The following SMARCAD1 variants were observed in gnomAD, a reference collection of about 807,000 sequenced individuals.
SMARCAD1 encodes SNF2 related chromatin remodeling ATPase with DExD box 1.
A neutral mutation model predicts 127.1 loss-of-function variants in SMARCAD1; 25 were observed. The observed-to-expected ratio is 0.20, with a 90% CI of 0.14 to 0.27. The LOEUF (loss-of-function observed/expected upper bound fraction) is 0.27. Among genes scored for constraint, SMARCAD1 ranks in the 10% least tolerant of loss-of-function variants. The pLI, the probability that SMARCAD1 is intolerant of heterozygous loss-of-function variation, is 1.00. For synonymous variants in SMARCAD1, 400 were observed against 396.9 expected (o/e 1.01, Z -0.09); for missense variants, 807 against 1,206.0 (o/e 0.67, Z 4.90).
At chr4:94,226,384 T>A in intron 3 of SMARCAD1, 88 bp downstream of exon 3, 3 of 1,027,600 alleles carry the variant, frequency 2.9e-6, no homozygotes, top group Non-Finnish European at 4.2e-6. Flanking sequence ...TTTTGGTGAC[T>A]TCCCTTTTTT....
Position 94,208,002 on chromosome 4 carries a change from C to T in SMARCAD1, c.-118C>T, listed in dbSNP as rs1302597685. 2.5e-6 allele frequency: 1 copy of T among 397,954 alleles called. No individual in the cohort carries two copies. Among genetic ancestry groups the T allele is most frequent in the Non-Finnish European group, 4.9e-6 (1 of 202,156 alleles). The allele number at this position is 397,954 out of a possible 1,614,324, so 24.7% of individuals were successfully genotyped here. On this transcript the variant is annotated 5_prime_UTR_variant, in exon 1 of 24. Coordinates refer to ENST00000354268, the MANE Select transcript of SMARCAD1 (RefSeq NM_020159.5). Reference sequence around the variant, plus strand: ...GCAGGGGGCACGGTAGCACAGGGAGCTTCTCTTTGTGGGCGGGCGCGAGGC... The same window carrying T: ...GCAGGGGGCACGGTAGCACAGGGAGTTTCTCTTTGTGGGCGGGCGCGAGGC...
chr4:94,226,039 T>G, intron 2 of SMARCAD1, 80 bp from the exon 3 acceptor site: 2 of 1,179,702 alleles, frequency 1.7e-6, no homozygotes, highest in Non-Finnish European at 2.4e-6. Context: ...AAATTTGAGA[T>G]TTTAGCACAT....
intron 3 of SMARCAD1, among the ~76,000 whole-genome samples, chr4:94,230,955 A>G (rs1454371534): frequency 6.6e-6 from 1 of 152,228 alleles, no homozygotes; most frequent in East Asian, 1.9e-4. Flanking sequence ...ATGTTTGTCA[A>G]CAATGTACAG....
chr4:94,208,586 T>C lies in SMARCAD1; in HGVS notation c.190+2T>C. ...ATTCAGATATAACTGAAAAAACAGG[T>C]GAGTTACAATGTTAAAATTGATGTA... On this transcript the variant is annotated splice_donor_variant, in intron 2 of 23. Transcript: ENST00000354268. LOFTEE classifies it high-confidence loss of function. The C allele has an allele frequency of 6.2e-7, 1 of 1,613,208 alleles. No homozygotes were observed. Among genetic ancestry groups the C allele is most frequent in the Non-Finnish European group, 8.5e-7 (1 of 1,179,240 alleles).
In SMARCAD1 at chr4:94,280,797, G is replaced by A. The variant is rs79865741; in HGVS notation, c.2607+17G>A. ...AAACAGAAGGTATTAAAAAAGAATG[G>A]CGTTTCTTTTGTATTTTCTCAATTA... is the stretch of plus-strand genomic sequence containing the variant. On this transcript the variant is annotated intron_variant, in intron 20 of 23. Transcript: ENST00000354268. 221 of 1,611,834 alleles carry A rather than the reference G, an allele frequency of 1.4e-4. 1 individual carries two copies. The African/African-American group carries it at 2.5e-3, about 18-fold the overall frequency.
At chr4:94,211,070 C>G (rs1040335642) in intron 2 of SMARCAD1, among the ~76,000 whole-genome samples, 117 of 151,784 alleles carry the variant, frequency 7.7e-4, no homozygotes, top group African/African-American at 2.7e-3. Context: ...GTTGGAAGTT[C>G]AAGACCAGCC....
chr4:94,223,406 T>C (rs1383706773), intron 2 of SMARCAD1, among the ~76,000 whole-genome samples: 1 of 151,810 alleles, frequency 6.6e-6, no homozygotes, highest in Non-Finnish European at 1.5e-5. Flanking sequence ...GGCAGAAGAA[T>C]CACTGGAGCC....
intron 5 of SMARCAD1, among the ~76,000 whole-genome samples, chr4:94,239,156 G>A (rs1747174214): frequency 6.6e-6 from 1 of 152,162 alleles, no homozygotes; most frequent in Admixed American, 6.5e-5. Flanking sequence ...TTCATTTTTA[G>A]TGTAGTGCAC....
chr4:94,276,589 T>C, intron 15 of SMARCAD1, 115 bp downstream of exon 15: 2 of 1,336,390 alleles, frequency 1.5e-6, no homozygotes, highest in Non-Finnish European at 2.0e-6. Context: ...TATGTAGTAT[T>C]CTGTGTTAGC....
chr4:94,260,172 A>G (rs1031297094), intron 9 of SMARCAD1, among the ~76,000 whole-genome samples: 1 of 152,124 alleles, frequency 6.6e-6, no homozygotes, highest in Non-Finnish European at 1.5e-5. Flanking sequence ...TTTCTGTAAA[A>G]CGATCATTAG....
rs541963657 is a variant in SMARCAD1 at position 94,260,589 on chromosome 4, G to A, written c.1282-4118G>A. 2.8e-3 allele frequency among the ~76,000 whole-genome samples: 433 copies of A among 152,126 alleles called. 1 individual carries two copies. Among genetic ancestry groups the A allele is most frequent in the Non-Finnish European group, 5.0e-3 (338 of 68,002 alleles). On this transcript the variant is annotated intron_variant, in intron 9 of 23. Coordinates refer to ENST00000354268, the MANE Select transcript of SMARCAD1 (RefSeq NM_020159.5). ...GGGCCTCAAGTGATCCACCTGCCTCGGCCCCAAAAGTGCTGAGATTACAGG... is the reference window on the plus strand; with the variant it reads ...GGGCCTCAAGTGATCCACCTGCCTCAGCCCCAAAAGTGCTGAGATTACAGG...
At chr4:94,280,871 CTA>C (rs1753912213) in intron 20 of SMARCAD1, 91 bp downstream of exon 20, 1 of 1,222,944 alleles carries the variant, frequency 8.2e-7, no homozygotes, top group African/African-American at 1.5e-5. Flanking sequence ...TTGAATTAGC[CTA>C]TGTCTGTTCT....
intron 2 of SMARCAD1, among the ~76,000 whole-genome samples, chr4:94,217,766 A>G (rs1407512377): frequency 1.3e-5 from 2 of 152,202 alleles, no homozygotes; most frequent in African/African-American, 4.8e-5. Flanking sequence ...TTTGTTTTTC[A>G]AACTGGATCA....
At chr4:94,209,568 C>G (rs1346575213) in intron 2 of SMARCAD1, among the ~76,000 whole-genome samples, 1 of 152,104 alleles carries the variant, frequency 6.6e-6, no homozygotes, top group African/African-American at 2.4e-5. Flanking sequence ...CATGTTTATC[C>G]TTGGTATCTT....
chr4:94,218,011 G>A (rs1365679033), intron 2 of SMARCAD1, among the ~76,000 whole-genome samples: 2 of 152,132 alleles, frequency 1.3e-5, no homozygotes, highest in Non-Finnish European at 2.9e-5. Flanking sequence ...GAAAAACACT[G>A]TTCTACATCT....
intron 2 of SMARCAD1, among the ~76,000 whole-genome samples, chr4:94,221,141 C>T (rs1744056314): frequency 2.0e-5 from 3 of 152,212 alleles, no homozygotes; most frequent in Admixed American, 2.0e-4. Flanking sequence ...TTTTGGAAAA[C>T]TAGTGTCCAT....
rs73832564 is a variant in SMARCAD1, at chr4:94,225,039, A to G, written c.191-1080A>G. Among the ~76,000 whole-genome samples, 495 of 152,262 alleles carry G rather than the reference A, an allele frequency of 3.3e-3. 2 individuals carry two copies. The highest frequency in any genetic ancestry group is 0.011 in the African/African-American group (468 of 41,550). On this transcript the variant is annotated intron_variant, in intron 2 of 23. Coordinates refer to ENST00000354268, the MANE Select transcript of SMARCAD1 (RefSeq NM_020159.5). ...TGATCCATTCCTCCTAAAATATGTAAGGGTAAATGGTGGTTTTATTGGCAA... is the reference window on the plus strand; with the variant it reads ...TGATCCATTCCTCCTAAAATATGTAGGGGTAAATGGTGGTTTTATTGGCAA...
chr4:94,257,787 CTT>C (rs1276648650), intron 9 of SMARCAD1, among the ~76,000 whole-genome samples: 5 of 152,036 alleles, frequency 3.3e-5, no homozygotes, highest in African/African-American at 9.7e-5. Flanking sequence ...ACCTCCATAT[CTT>C]TATGTAATAT....
intron 9 of SMARCAD1, among the ~76,000 whole-genome samples, chr4:94,257,046 G>T (rs2125928438): frequency 6.6e-6 from 1 of 152,282 alleles, no homozygotes; most frequent in Non-Finnish European, 1.5e-5. Context: ...TGTGGCAAGA[G>T]AGTGATACTT....
Sources: allele counts gnomAD v4.1 joint callset (sites outside exome capture counted in the v4.1 genomes callset), GRCh38; gene constraint gnomAD v4.1.1; transcripts MANE v1.5; gene names NCBI Gene and HGNC (gene_info 2026-07-23, HGNC 2026-07-21).